RAB7A: variants seen among roughly 807,000 people sequenced by gnomAD.
RAB7A encodes the protein ras-related protein Rab-7a.
In RAB7A, 2 loss-of-function variants were observed where a neutral mutation model predicts 24.5. That is an observed-to-expected ratio of 0.08 (90% confidence interval 0.03 to 0.26). The LOEUF (loss-of-function observed/expected upper bound fraction) is 0.26. Among genes scored for constraint, RAB7A ranks in the 10% least tolerant of loss-of-function variants. The pLI, the probability that RAB7A is intolerant of heterozygous loss-of-function variation, is 1.00. For missense variants in RAB7A, 118 were observed against 255.7 expected (o/e 0.46, Z 3.67); for synonymous variants, 100 against 95.9 (o/e 1.04, Z -0.25).
chr3:128,768,150 T>A lies in RAB7A; in HGVS notation c.-8-27210T>A, dbSNP rs147832447. Among the ~76,000 whole-genome samples the A allele has an allele frequency of 1.1e-3, 175 of 152,350 alleles. 1 individual carries two copies. Among genetic ancestry groups the A allele is most frequent in the African/African-American group, 3.8e-3 (159 of 41,584 alleles). On this transcript the variant is annotated intron_variant, in intron 1 of 5. Coordinates refer to ENST00000265062, the MANE Select transcript of RAB7A (RefSeq NM_004637.6). ...CTAGTTCGCATTTTCTGGTATTTTGTATAAATGGGATCTGTATATATACTT... is the reference window on the plus strand; with the variant it reads ...CTAGTTCGCATTTTCTGGTATTTTGAATAAATGGGATCTGTATATATACTT...
intron 1 of RAB7A, among the ~76,000 whole-genome samples, chr3:128,727,445 C>T (rs867423137): frequency 2.0e-5 from 3 of 152,206 alleles, no homozygotes; most frequent in Non-Finnish European, 4.4e-5. Flanking sequence ...CCTCCCACCA[C>T]CTCCTTTCTT....
intron 1 of RAB7A, among the ~76,000 whole-genome samples, chr3:128,753,646 A>T (rs1362565111): frequency 6.6e-6 from 1 of 152,158 alleles, no homozygotes; most frequent in Non-Finnish European, 1.5e-5. Context: ...ACAGTGTTTG[A>T]TAAGTTGCCC....
chr3:128,745,107 C>CTCATGA (rs1199978480), intron 1 of RAB7A, among the ~76,000 whole-genome samples: 1 of 151,972 alleles, frequency 6.6e-6, no homozygotes, highest in Non-Finnish European at 1.5e-5. Context: ...ATCTCCTGAC[C>CTCATGA]TCATGATCCA....
chr3:128,728,570 C>G (rs1046924394), intron 1 of RAB7A, among the ~76,000 whole-genome samples: 10 of 152,212 alleles, frequency 6.6e-5, no homozygotes, highest in Non-Finnish European at 1.0e-4. Flanking sequence ...TCAAGCCATT[C>G]TCCTGCCTCA....
intron 1 of RAB7A, among the ~76,000 whole-genome samples, chr3:128,793,197 A>G (rs1354035664): frequency 7.7e-6 from 1 of 130,016 alleles, no homozygotes; most frequent in Non-Finnish European, 1.5e-5. Context: ...CTAATTTTTC[A>G]TATTTAGTAG....
At chr3:128,786,061 C>A (rs900670007) in intron 1 of RAB7A, among the ~76,000 whole-genome samples, 2 of 152,162 alleles carry the variant, frequency 1.3e-5, no homozygotes, top group Admixed American at 6.5e-5. Flanking sequence ...CTATTCTTGC[C>A]CCCTCCCCAG....
At chr3:128,767,126 ATT>A (rs1257197335) in intron 1 of RAB7A, among the ~76,000 whole-genome samples, 1 of 152,102 alleles carries the variant, frequency 6.6e-6, no homozygotes, top group Non-Finnish European at 1.5e-5. Context: ...TGGCATTCAG[ATT>A]TGACTTAAAA....
chr3:128,773,530 G>A (rs187197199), intron 1 of RAB7A, among the ~76,000 whole-genome samples: 2,880 of 148,486 alleles, frequency 0.019, 33 homozygotes, highest in African/African-American at 0.024. Flanking sequence ...ACCTCTGCCC[G>A]GCCGCCCCTT....
At chr3:128,803,243 T>G (rs1167614673) in intron 3 of RAB7A, among the ~76,000 whole-genome samples, 2 of 152,190 alleles carry the variant, frequency 1.3e-5, no homozygotes, top group Non-Finnish European at 2.9e-5. Flanking sequence ...CTTTTCACCT[T>G]TGGCATTTGA....
intron 1 of RAB7A, among the ~76,000 whole-genome samples, chr3:128,738,403 G>GT (rs931463198): frequency 1.9e-4 from 29 of 152,008 alleles, no homozygotes; most frequent in African/African-American, 3.4e-4. Context: ...TCCTGGCTTT[G>GT]TTTTTTTTGA....
At chr3:128,788,074 G>A (rs1933378338) in intron 1 of RAB7A, among the ~76,000 whole-genome samples, 2 of 152,304 alleles carry the variant, frequency 1.3e-5, no homozygotes, top group South Asian at 4.1e-4. Flanking sequence ...ATCCCACCCA[G>A]GAAGTGAATC....
At chr3:128,781,624 C>G (rs1933223732) in intron 1 of RAB7A, among the ~76,000 whole-genome samples, 1 of 152,148 alleles carries the variant, frequency 6.6e-6, no homozygotes, top group Non-Finnish European at 1.5e-5. Flanking sequence ...CTGCAGTGAT[C>G]ATGCTCTACT....
chr3:128,752,482 A>C (rs1325181735), intron 1 of RAB7A, among the ~76,000 whole-genome samples: 1 of 152,104 alleles, frequency 6.6e-6, no homozygotes, highest in African/African-American at 2.4e-5. Context: ...GACAAAGTAG[A>C]GAAAAAAGAA....
At chr3:128,729,952 T>TC (rs2070418306) in intron 1 of RAB7A, among the ~76,000 whole-genome samples, 4 of 152,098 alleles carry the variant, frequency 2.6e-5, no homozygotes, top group Non-Finnish European at 1.5e-5. Context: ...ACTCCCCGCC[T>TC]CCCCCCTTAT....
chr3:128,771,810 A>T (rs1411057701), intron 1 of RAB7A, among the ~76,000 whole-genome samples: 1 of 152,192 alleles, frequency 6.6e-6, no homozygotes, highest in South Asian at 2.1e-4. Context: ...GTGAATAAGG[A>T]GCGTATCTGA....
rs144077625 is a variant in RAB7A, at chr3:128,748,073, A to G, written c.-9+21714A>G. Among the ~76,000 whole-genome samples the G allele has an allele frequency of 9.9e-5, 15 of 152,254 alleles. No homozygotes were observed. The East Asian group carries it at 2.9e-3, about 29-fold the overall frequency. On this transcript the variant is annotated intron_variant, in intron 1 of 5. Transcript: ENST00000265062. Reference sequence around the variant, plus strand: ...ATGAGCCACTGTGCCCGGCCAGCAAAGTGTTCTTAAGATGAAGTTTGACAA... The same window carrying G: ...ATGAGCCACTGTGCCCGGCCAGCAAGGTGTTCTTAAGATGAAGTTTGACAA...
At chr3:128,755,998 C>T (rs1370804973) in intron 1 of RAB7A, among the ~76,000 whole-genome samples, 2 of 152,130 alleles carry the variant, frequency 1.3e-5, no homozygotes, top group African/African-American at 4.8e-5. Flanking sequence ...TAAACTCATT[C>T]AGCAAAATTG....
At chr3:128,770,416 C>T (rs2070874300) in intron 1 of RAB7A, among the ~76,000 whole-genome samples, 1 of 152,174 alleles carries the variant, frequency 6.6e-6, no homozygotes, top group South Asian at 2.1e-4. Flanking sequence ...TCAGTGGCCT[C>T]CTGTCATTTT....
chr3:128,750,528 C>A (rs1480493741), intron 1 of RAB7A, among the ~76,000 whole-genome samples: 1 of 152,100 alleles, frequency 6.6e-6, no homozygotes, highest in Non-Finnish European at 1.5e-5. Flanking sequence ...TCCCAAAGTG[C>A]TGGGGTTACA....
Sources: gnomAD v4.1 joint callset for allele counts (sites outside exome capture counted in the v4.1 genomes callset) on GRCh38, gnomAD v4.1.1 for gene constraint, MANE v1.5 for transcripts, NCBI Gene and HGNC (gene_info 2026-07-23, HGNC 2026-07-21) for gene names.